The following PROKR1 variants were observed in gnomAD, a reference collection of about 807,000 sequenced individuals.
PROKR1 encodes prokineticin receptor 1, also known as G protein-coupled receptor 73.
In PROKR1, 21 loss-of-function variants were observed where a neutral mutation model predicts 22.8. That is an observed-to-expected ratio of 0.92 (90% confidence interval 0.65 to 1.32). PROKR1 has a LOEUF of 1.32. PROKR1 is among the 40% of genes most tolerant of loss of function. The probability of loss-of-function intolerance (pLI) is 0.00; values close to 1 mark genes in which losing one functional copy is unlikely to be tolerated. For synonymous variants in PROKR1, 193 were observed against 207.5 expected, an observed-to-expected ratio of 0.93 and a Z score of 0.60; for missense variants, 548 against 514.2, an observed-to-expected ratio of 1.07 and a Z score of -0.64.
At chr2:68,648,682 C>T (rs1008711712) in intron 2 of PROKR1, among the ~76,000 whole-genome samples, 3 of 152,156 alleles carry the variant, frequency 2.0e-5, no homozygotes, top group African/African-American at 7.2e-5. Context: ...TCTCTGGTCT[C>T]ACGTGTTGTT....
At chr2:68,648,331 T>C (rs1226136611) in intron 2 of PROKR1, among the ~76,000 whole-genome samples, 1 of 152,252 alleles carries the variant, frequency 6.6e-6, no homozygotes, top group Non-Finnish European at 1.5e-5. Context: ...TTCAAGCTTA[T>C]AACCTCCTTT....
rs1673419938 is a variant in PROKR1, at chr2:68,655,243, C to T, written c.849C>T (p.Val283=). The change falls in exon 3 of 3, where the codon GTC becomes GTT. Residue 283 remains valine (V), a synonymous_variant. Coordinates refer to ENST00000303786, the MANE Select transcript of PROKR1 (RefSeq NM_138964.4). ...GGCTGCGCTGCCGCAGGAAGACGGT[C>T]CTGGTGCTCATGTGCATCCTCACCG... The part of the protein sequence containing the change: ...RKRLRCRRKT[V]LVLMCILTAY... The T allele has an allele frequency of 6.2e-7, 1 of 1,614,148 alleles. No homozygotes were observed. Among genetic ancestry groups the T allele is most frequent in the African/African-American group, 1.3e-5 (1 of 74,948 alleles).
chr2:68,645,920 C>G lies in PROKR1; in HGVS notation c.99C>G (p.Phe33Leu). Residue 33 changes from phenylalanine (F) to leucine (L), a missense_variant, in exon 2 of 3, where the codon TTC (phenylalanine) becomes TTG (leucine). Transcript: ENST00000303786. Reference sequence around the variant, plus strand: ...CTCATGGAGCCCATGCCACTTCCTTCCCATTCAACTTCAGCTACAGCGACT... The same window carrying G: ...CTCATGGAGCCCATGCCACTTCCTTGCCATTCAACTTCAGCTACAGCGACT... ...LNPHGAHATSFPFNFSYSDYD... is the reference protein window; with the variant it reads ...LNPHGAHATSLPFNFSYSDYD... 9 of 1,614,234 alleles carry G rather than the reference C, an allele frequency of 5.6e-6. No homozygotes were observed. The highest frequency in any genetic ancestry group is 7.6e-6 in the Non-Finnish European group (9 of 1,180,046).
intron 2 of PROKR1, among the ~76,000 whole-genome samples, chr2:68,653,391 G>A (rs903987900): frequency 2.6e-5 from 4 of 151,608 alleles, no homozygotes; most frequent in African/African-American, 9.7e-5. Flanking sequence ...CCCAGGCTGT[G>A]GGGGAGGGAC....
chr2:68,653,845 G>T (rs185486539), intron 2 of PROKR1, among the ~76,000 whole-genome samples: 9,360 of 148,970 alleles, frequency 0.063, 462 homozygotes, highest in Admixed American at 0.11. Flanking sequence ...GTTTTTTTTT[G>T]AAAGGACAAA....
In PROKR1 at chr2:68,655,325, C is replaced by G. The variant is rs775135073; in HGVS notation, c.931C>G (p.Pro311Ala). Residue 311 changes from proline (P) to alanine (A), a missense_variant, in exon 3 of 3, where the codon CCC becomes GCC. Physicochemically the swap from Pro to Ala is conservative, Grantham distance 27 (BLOSUM62 -1). Coordinates refer to ENST00000303786, the MANE Select transcript of PROKR1 (RefSeq NM_138964.4). ...YGFTIVRDFF[P>A]TVFVKEKHYL... Reference sequence around the variant, plus strand: ...CTTCACCATCGTGCGCGACTTCTTCCCCACCGTGTTTGTGAAGGAGAAGCA... The same window carrying G: ...CTTCACCATCGTGCGCGACTTCTTCGCCACCGTGTTTGTGAAGGAGAAGCA... The G allele has an allele frequency of 1.4e-5, 23 of 1,614,128 alleles. No individual in the cohort carries two copies. The highest frequency in any genetic ancestry group is 8.5e-7 in the Non-Finnish European group (1 of 1,180,046).
At chr2:68,649,572 G>T (rs956878132) in intron 2 of PROKR1, 2 of 152,208 alleles carry the variant, frequency 1.3e-5, no homozygotes, top group Non-Finnish European at 2.9e-5. Context: ...TATAACCAAA[G>T]GATGGAGAGA....
chr2:68,645,719 C>G lies in PROKR1; in HGVS notation c.-103C>G, dbSNP rs1673159238. 1 of 1,512,136 alleles carries G rather than the reference C, an allele frequency of 6.6e-7. No homozygotes were observed. The highest frequency in any genetic ancestry group is 1.1e-5 in the South Asian group (1 of 88,268). 93.7% of individuals were successfully genotyped at this position (1,512,136 alleles called of 1,614,324 possible). A position where few individuals can be genotyped will look rare whatever the true frequency, so the allele number is the denominator to read the frequency against. ...AGATGCTGGCAGAGACATTCTGACT[C>G]ATTAAGGGAGAGCTGGCTGATAGCA... On this transcript the variant is annotated 5_prime_UTR_variant, in exon 2 of 3. Transcript: ENST00000303786.
Position 68,656,127 on chromosome 2 carries a change from T to A in PROKR1, c.*551T>A. 5.2e-6 allele frequency: 1 copy of A among 193,392 alleles called. No homozygotes were observed. The highest frequency in any genetic ancestry group is 5.3e-5 in the Admixed American group (1 of 18,814). The allele number at this position is 193,392 out of a possible 1,614,324, so 12.0% of individuals were successfully genotyped here. On this transcript the variant is annotated 3_prime_UTR_variant, in exon 3 of 3. Transcript: ENST00000303786. ...GGACATCCCAGTATTCATGGCCAAG[T>A]TCTGTGCAAACTCTTCCTCCCACAC...
Position 68,655,117 on chromosome 2 carries a change from C to T in PROKR1, c.723C>T (p.Phe241=), listed in dbSNP as rs146411193. 1.5e-5 allele frequency: 25 copies of T among 1,614,080 alleles called. No homozygotes were observed. The African/African-American group carries it at 1.9e-4, about 12-fold the overall frequency. ...SYFLFIFGIE[F]VGPVVTMTLC... is the part of the protein sequence containing the mutation. The stretch of plus-strand genomic sequence containing the variant: ...TCCTCTTTATCTTTGGCATAGAATT[C>T]GTGGGCCCCGTGGTCACCATGACCC... Residue 241 remains phenylalanine (F), a synonymous_variant, in exon 3 of 3, where the codon TTC becomes TTT. Coordinates refer to ENST00000303786, the MANE Select transcript of PROKR1 (RefSeq NM_138964.4).
At chr2:68,653,707 C>G (rs949647546) in intron 2 of PROKR1, among the ~76,000 whole-genome samples, 1 of 152,146 alleles carries the variant, frequency 6.6e-6, no homozygotes, top group Admixed American at 6.5e-5. Flanking sequence ...CCGGAGCTCT[C>G]TGCATAAGCT....
chr2:68,645,746 A>G lies in PROKR1; in HGVS notation c.-76A>G, dbSNP rs180754735. 1 of 1,598,318 alleles carries G rather than the reference A, an allele frequency of 6.3e-7. No homozygotes were observed. Among genetic ancestry groups the G allele is most frequent in the African/African-American group, 1.3e-5 (1 of 74,738 alleles). ...TTAAGGGAGAGCTGGCTGATAGCAG[A>G]GAGGGGTGACATCAGCCTTGCAGAC... On this transcript the variant is annotated 5_prime_UTR_variant, in exon 2 of 3. Transcript: ENST00000303786.
intron 2 of PROKR1, among the ~76,000 whole-genome samples, chr2:68,650,073 G>T (rs376541311): frequency 1.7e-3 from 199 of 119,550 alleles, no homozygotes; most frequent in African/African-American, 5.7e-3. Context: ...TTGTGGGGTG[G>T]GGGGAGGGGG....
rs760412853 is a variant in PROKR1 at position 68,655,444 on chromosome 2, C to T, written c.1050C>T (p.Val350=). The part of the protein sequence containing the change: ...LCFVTVKNDT[V]KYFKKIMLLH... ...TCGTGACCGTCAAGAACGACACCGT[C>T]AAGTACTTCAAAAAGATCATGTTGC... Residue 350 remains valine (V), a synonymous_variant, in exon 3 of 3, where the codon GTC becomes GTT. Transcript: ENST00000303786. The T allele has an allele frequency of 1.2e-6, 2 of 1,614,096 alleles. No homozygotes were observed. The highest frequency in any genetic ancestry group is 1.1e-5 in the South Asian group (1 of 91,080).
At chr2:68,646,415 C>G in intron 2 of PROKR1, 109 bp downstream of exon 2, 1 of 1,483,092 alleles carries the variant, frequency 6.7e-7, no homozygotes. Flanking sequence ...TCTCTATTCC[C>G]CCTAGATGTG....
In PROKR1 at chr2:68,656,481, C is replaced by T. The variant is rs1306629847; in HGVS notation, c.*905C>T. On this transcript the variant is annotated 3_prime_UTR_variant, in exon 3 of 3. Transcript: ENST00000303786. ...AGGCTCTCCAGGTATACAGATGATA[C>T]CGTTCCCACCTGTTATTTCATTTGG... 1 of 152,242 alleles carries T rather than the reference C, an allele frequency of 6.6e-6. No homozygotes were observed. The highest frequency in any genetic ancestry group is 6.5e-5 in the Admixed American group (1 of 15,272). 9.4% of individuals were successfully genotyped at this position (152,242 alleles called of 1,614,324 possible).
chr2:68,655,701 G>A lies in PROKR1; in HGVS notation c.*125G>A. The stretch of plus-strand genomic sequence containing the variant: ...GAGGGTAAAGTAAATGGACCACTCT[G>A]TGAGCAATGTTTTCAAGGAGCTCAG... On this transcript the variant is annotated 3_prime_UTR_variant, in exon 3 of 3. Coordinates refer to ENST00000303786, the MANE Select transcript of PROKR1 (RefSeq NM_138964.4). 1.1e-6 allele frequency: 1 copy of A among 891,046 alleles called. No individual in the cohort carries two copies. 55.2% of individuals were successfully genotyped at this position (891,046 alleles called of 1,614,324 possible). A position where few individuals can be genotyped will look rare whatever the true frequency, so the allele number is the denominator to read the frequency against.
At chr2:68,653,989 T>C (rs1449414925) in intron 2 of PROKR1, among the ~76,000 whole-genome samples, 1 of 152,228 alleles carries the variant, frequency 6.6e-6, no homozygotes, top group Non-Finnish European at 1.5e-5. Flanking sequence ...TCCTGTGGTC[T>C]GTGACCTTGA....
chr2:68,651,026 A>G (rs1188690241), intron 2 of PROKR1, among the ~76,000 whole-genome samples: 2 of 152,182 alleles, frequency 1.3e-5, no homozygotes, highest in Non-Finnish European at 2.9e-5. Context: ...TCTATTCCAG[A>G]AGGTCTCAAC....
Sources: allele counts gnomAD v4.1 joint callset (sites outside exome capture counted in the v4.1 genomes callset), GRCh38; gene constraint gnomAD v4.1.1; transcripts MANE v1.5; gene names NCBI Gene and HGNC (gene_info 2026-07-23, HGNC 2026-07-21).